Variants in CSTPP1 observed in about 807,000 individuals in gnomAD.
The protein encoded by CSTPP1 is centriolar satellite-associated tubulin polyglutamylase complex regulator 1.
the CSTPP1 span, among the ~76,000 whole-genome samples, chr11:46,950,424 C>T: frequency 1.3e-5 from 2 of 151,936 alleles, no homozygotes; most frequent in East Asian, 1.9e-4. Flanking sequence ...CCGCCTGCCT[C>T]GGCCTCCCAA....
the CSTPP1 span, among the ~76,000 whole-genome samples, chr11:47,067,333 A>G: frequency 6.6e-6 from 1 of 152,166 alleles, no homozygotes; most frequent in African/African-American, 2.4e-5. Flanking sequence ...TTATAACATC[A>G]TATATAAGTT....
At chr11:47,029,641 A>G in the CSTPP1 span, among the ~76,000 whole-genome samples, 1 of 151,970 alleles carries the variant, frequency 6.6e-6, no homozygotes, top group Admixed American at 6.6e-5. Flanking sequence ...TCATAATTTC[A>G]TAATTTTTCC....
At chr11:47,021,536 T>C in the CSTPP1 span, among the ~76,000 whole-genome samples, 1 of 152,202 alleles carries the variant, frequency 6.6e-6, no homozygotes, top group Non-Finnish European at 1.5e-5. Flanking sequence ...GAGTCCTTAA[T>C]TCCTGCCATA....
chr11:47,038,489 C>T, the CSTPP1 span, among the ~76,000 whole-genome samples: 2,139 of 74,144 alleles, frequency 0.029, 139 homozygotes, highest in Non-Finnish European at 0.038. Flanking sequence ...ACGGGGCGGC[C>T]GGCCAGGCAG....
the CSTPP1 span, among the ~76,000 whole-genome samples, chr11:47,002,432 T>C: frequency 6.6e-6 from 1 of 152,338 alleles, no homozygotes; most frequent in South Asian, 2.1e-4. Context: ...TTGCCTGTTT[T>C]TGTAGAATCC....
chr11:46,936,735 A>C, the CSTPP1 span: 1 of 1,592,794 alleles, frequency 6.3e-7, no homozygotes, highest in Non-Finnish European at 8.5e-7. Context: ...GTGCCATGGC[A>C]ACGGAGAGAG....
the CSTPP1 span, chr11:47,159,521 AAAAC>A: frequency 3.6e-5 from 15 of 417,108 alleles, no homozygotes; most frequent in Non-Finnish European, 6.6e-5. Flanking sequence ...AAAGAAAAAA[AAAAC>A]AAAAACAGGC....
the CSTPP1 span, among the ~76,000 whole-genome samples, chr11:47,001,965 C>G: frequency 6.6e-6 from 1 of 152,098 alleles, no homozygotes; most frequent in Non-Finnish European, 1.5e-5. Flanking sequence ...CATTTCTGCT[C>G]ATGTTTTCTC....
At chr11:47,149,654 G>A in the CSTPP1 span, among the ~76,000 whole-genome samples, 1 of 152,158 alleles carries the variant, frequency 6.6e-6, no homozygotes, top group Admixed American at 6.5e-5. Flanking sequence ...AGACACAGAT[G>A]CCTAGAACTT....
chr11:47,141,268 C>T, the CSTPP1 span, among the ~76,000 whole-genome samples: 5 of 152,146 alleles, frequency 3.3e-5, no homozygotes, highest in African/African-American at 4.8e-5. Context: ...CCCACTCCAC[C>T]GTCTTCCCCA....
At chr11:47,022,552 T>C in the CSTPP1 span, among the ~76,000 whole-genome samples, 11,925 of 151,698 alleles carry the variant, frequency 0.079, 496 homozygotes, top group Non-Finnish European at 0.089. Flanking sequence ...GGATTTTTAG[T>C]AGAGGCAGGG....
the CSTPP1 span, chr11:47,155,638 G>GAT: frequency 3.8e-5 from 9 of 236,112 alleles, no homozygotes; most frequent in Admixed American, 2.5e-4. Context: ...TTGAGAGAGA[G>GAT]TCCTTTCAGA....
chr11:47,161,087 G>C, the CSTPP1 span: 1 of 1,613,318 alleles, frequency 6.2e-7, no homozygotes, highest in Non-Finnish European at 8.5e-7. Flanking sequence ...CTGGCTGAAG[G>C]GCCCTCAGAT....
the CSTPP1 span, among the ~76,000 whole-genome samples, chr11:47,088,503 T>A: frequency 6.6e-6 from 1 of 152,200 alleles, no homozygotes; most frequent in South Asian, 2.1e-4. Context: ...GCACTGCATG[T>A]AATGCACTAA....
the CSTPP1 span, among the ~76,000 whole-genome samples, chr11:46,996,247 T>C: frequency 6.6e-6 from 1 of 152,184 alleles, no homozygotes; most frequent in African/African-American, 2.4e-5. Flanking sequence ...CCAGTCTGTG[T>C]CTTTTAACTG....
chr11:47,069,113 AATTAAAC>A, the CSTPP1 span, among the ~76,000 whole-genome samples: 1 of 152,214 alleles, frequency 6.6e-6, no homozygotes, highest in Admixed American at 6.5e-5. Flanking sequence ...TAAGAATTGA[AATTAAAC>A]TTTTATAGAA....
At chr11:47,137,578 T>C in the CSTPP1 span, 1 of 1,611,338 alleles carries the variant, frequency 6.2e-7, no homozygotes, top group Non-Finnish European at 8.5e-7. Flanking sequence ...ACTCATGAAA[T>C]GAACAAAAAG....
chr11:47,118,237 G>A, the CSTPP1 span, among the ~76,000 whole-genome samples: 3 of 152,054 alleles, frequency 2.0e-5, no homozygotes, highest in Non-Finnish European at 4.4e-5. Context: ...CCACTTGATC[G>A]AATCAGCTAT....
chr11:47,163,511 A>G, the CSTPP1 span, among the ~76,000 whole-genome samples: 4 of 152,348 alleles, frequency 2.6e-5, no homozygotes, highest in Admixed American at 2.6e-4. Context: ...AAGGTGGCAC[A>G]GAGATGTTTC....
Sources: allele counts gnomAD v4.1 joint callset (sites outside exome capture counted in the v4.1 genomes callset), GRCh38; gene constraint gnomAD v4.1.1; transcripts MANE v1.5; gene names NCBI Gene and HGNC (gene_info 2026-07-23, HGNC 2026-07-21).